Variants in ELP1 observed in about 807,000 individuals in gnomAD.
ELP1 encodes the protein elongator complex protein 1.
A neutral mutation model predicts 183.2 loss-of-function variants in ELP1; 131 were observed. The observed-to-expected ratio is 0.72, with a 90% CI of 0.62 to 0.83. ELP1 has a LOEUF of 0.83. Among genes scored for constraint, ELP1 ranks in the 40% least tolerant of loss-of-function variants. The pLI is 0.00. For synonymous variants in ELP1, 555 were observed against 569.0 expected, an observed-to-expected ratio of 0.98 and a Z score of 0.35; for missense variants, 1,550 against 1,594.9, an observed-to-expected ratio of 0.97 and a Z score of 0.48.
chr9:108,924,801 C>T (rs368580724), intron 5 of ELP1, among the ~76,000 whole-genome samples: 2 of 152,292 alleles, frequency 1.3e-5, no homozygotes, highest in South Asian at 4.1e-4. Flanking sequence ...CCACCCCTTA[C>T]AGACCAGCAC....
At chr9:108,922,787 T>A (rs1829691308) in intron 6 of ELP1, 55 bp downstream of exon 6, 1 of 1,340,538 alleles carries the variant, frequency 7.5e-7, no homozygotes, top group Non-Finnish European at 1.1e-6. Flanking sequence ...TCCTGGTGGG[T>A]GGCAAACTTA....
At chr9:108,885,074 G>C (rs945332420) in intron 29 of ELP1, among the ~76,000 whole-genome samples, 2 of 150,490 alleles carry the variant, frequency 1.3e-5, no homozygotes, top group Non-Finnish European at 2.9e-5. Flanking sequence ...GTGGGACCCT[G>C]TTTCTTTAAA....
intron 31 of ELP1, among the ~76,000 whole-genome samples, chr9:108,880,648 TA>T (rs1827891274): frequency 6.6e-6 from 1 of 152,162 alleles, no homozygotes; most frequent in Non-Finnish European, 1.5e-5. Flanking sequence ...GAATACATTT[TA>T]AAAAAGCAAA....
Position 108,911,169 on chromosome 9 carries a change from C to T in ELP1, c.1201G>A (p.Val401Met). 1 of 1,614,102 alleles carries T rather than the reference C, an allele frequency of 6.2e-7. No homozygotes were observed. The highest frequency in any genetic ancestry group is 8.5e-7 in the Non-Finnish European group (1 of 1,179,992). ...VAVIDGNRVL[V>M]TVFRQTVVPP... ...ACCACAGTCTGCCGGAAGACTGTCA[C>T]CAACACCCTGTCTGCAGTGAAAAAG... Residue 401 changes from valine (V) to methionine (M), a missense_variant, in exon 12 of 37, where the codon GTG becomes ATG. Val to Met is a conservative substitution (Grantham distance 21). Coordinates refer to ENST00000374647, the MANE Select transcript of ELP1 (RefSeq NM_003640.5).
chr9:108,878,219 T>C (rs1827776377), intron 34 of ELP1, 70 bp from the exon 35 acceptor site: 2 of 1,431,566 alleles, frequency 1.4e-6, no homozygotes, highest in South Asian at 2.4e-5. Flanking sequence ...ATACATAGCT[T>C]CTATCCAAAG....
chr9:108,901,943 C>T (rs781298993), intron 16 of ELP1, among the ~76,000 whole-genome samples: 1 of 152,180 alleles, frequency 6.6e-6, no homozygotes, highest in Non-Finnish European at 1.5e-5. Flanking sequence ...TCCACTCAAC[C>T]GGTGTTGATC....
chr9:108,903,810 C>T, intron 14 of ELP1, 141 bp from the exon 15 acceptor site: 3 of 682,024 alleles, frequency 4.4e-6, no homozygotes, highest in Non-Finnish European at 7.9e-6. Flanking sequence ...TACATATATA[C>T]ACACCCAATA....
intron 22 of ELP1, among the ~76,000 whole-genome samples, chr9:108,897,542 T>C (rs1179844534): frequency 6.6e-6 from 1 of 152,180 alleles, no homozygotes; most frequent in African/African-American, 2.4e-5. Context: ...AAGCAAATAG[T>C]GGTGTATTTA....
chr9:108,887,530 C>T (rs1316120072), intron 29 of ELP1, among the ~76,000 whole-genome samples: 1 of 152,116 alleles, frequency 6.6e-6, no homozygotes, highest in Admixed American at 6.5e-5. Context: ...AGCCTCCCTG[C>T]AAAACACTTC....
intron 1 of ELP1, among the ~76,000 whole-genome samples, chr9:108,932,043 T>C (rs531434710): frequency 6.6e-6 from 1 of 152,194 alleles, no homozygotes; most frequent in Non-Finnish European, 1.5e-5. Flanking sequence ...CCCTAACTTA[T>C]GTTAGGGGTA....
chr9:108,881,968 T>C (rs1827946936), intron 30 of ELP1, among the ~76,000 whole-genome samples, 157 bp downstream of exon 30: 1 of 152,174 alleles, frequency 6.6e-6, no homozygotes, highest in Admixed American at 6.5e-5. Context: ...ATGATAAAAA[T>C]GATTTTAAAA....
chr9:108,917,446 A>G, intron 9 of ELP1, 101 bp downstream of exon 9: 1 of 1,246,308 alleles, frequency 8.0e-7, no homozygotes, highest in East Asian at 2.4e-5. Flanking sequence ...CAACCTGGGC[A>G]ACAAGAATGA....
rs568425709 is a variant in ELP1 at position 108,892,994 on chromosome 9, G to A, written c.2950C>T (p.Gln984Ter). The A allele has an allele frequency of 6.2e-7, 1 of 1,611,910 alleles. No individual in the cohort carries two copies. The highest frequency in any genetic ancestry group is 8.5e-7 in the Non-Finnish European group (1 of 1,177,954). The change falls in exon 27 of 37, where the codon CAG (glutamine) becomes TAG (stop). Residue 984 changes from glutamine to a stop codon, truncating the protein, a stop_gained. Transcript: ENST00000374647. LOFTEE classifies it high-confidence loss of function. ...ALKLYSPSSQQYQDISIAYGE... is the reference protein window; with the variant it reads ...ALKLYSPSSQ ...TTTCACATACCACATACCTGGTACT[G>A]TTGTGAGCTTGGTGAATATAACTTC...
chr9:108,890,072 A>G (rs1284825335), intron 28 of ELP1, among the ~76,000 whole-genome samples: 1 of 152,212 alleles, frequency 6.6e-6, no homozygotes, highest in Non-Finnish European at 1.5e-5. Context: ...ATACTCCCTC[A>G]TAAGACATGG....
At position 108,912,267 on chromosome 9, in the gene ELP1, C is replaced by T. The variant is rs1445991549; in HGVS notation, c.1186G>A (p.Gly396Arg). Reference sequence around the variant, plus strand: ...GACACACTTCCCAGGAGCTTACTTCCATCAATGACAGCCACATTGGACAAG... The same window carrying T: ...GACACACTTCCCAGGAGCTTACTTCTATCAATGACAGCCACATTGGACAAG... ...SDLSNVAVID[G>R]NRVLVTVFRQ... is the part of the protein sequence containing the mutation. Residue 396 changes from glycine to arginine, a missense_variant, in exon 11 of 37, where the codon GGA becomes AGA. By Grantham distance (125) the Gly-to-Arg change is moderately radical. Coordinates refer to ENST00000374647, the MANE Select transcript of ELP1 (RefSeq NM_003640.5). 1 of 1,613,344 alleles carries T rather than the reference C, an allele frequency of 6.2e-7. No individual in the cohort carries two copies. The highest frequency in any genetic ancestry group is 8.5e-7 in the Non-Finnish European group (1 of 1,179,370).
chr9:108,925,293 A>G (rs548858026), intron 5 of ELP1, among the ~76,000 whole-genome samples: 113 of 152,288 alleles, frequency 7.4e-4, no homozygotes, highest in African/African-American at 2.6e-3. Context: ...TACAAACTCA[A>G]TCAAATCTGT....
chr9:108,927,082 A>C (rs1829845361), intron 4 of ELP1, among the ~76,000 whole-genome samples: 1 of 152,190 alleles, frequency 6.6e-6, no homozygotes, highest in Non-Finnish European at 1.5e-5. Context: ...CAGCCTCCCC[A>C]AGTTTTATGA....
Position 108,926,608 on chromosome 9 carries a change from G to C in ELP1, c.386-5C>G, listed in dbSNP as rs1164048597. The C allele has an allele frequency of 6.2e-7, 1 of 1,609,566 alleles. No individual in the cohort carries two copies. The highest frequency in any genetic ancestry group is 8.5e-7 in the Non-Finnish European group (1 of 1,177,838). Reference sequence around the variant, plus strand: ...TCATAATCAGGGTCTGTTGACCTTAGAGAAACACAAACAAAAATGATTTTG... The same window carrying C: ...TCATAATCAGGGTCTGTTGACCTTACAGAAACACAAACAAAAATGATTTTG... On this transcript the variant is annotated splice_polypyrimidine_tract_variant and splice_region_variant and intron_variant, in intron 4 of 36. Transcript: ENST00000374647.
intron 35 of ELP1, among the ~76,000 whole-genome samples, chr9:108,876,207 G>A (rs557620098): frequency 6.6e-6 from 1 of 152,232 alleles, no homozygotes; most frequent in South Asian, 2.1e-4. Flanking sequence ...GCCCGGGGCG[G>A]TGGATGCTGC....
Sources: gnomAD v4.1 joint callset for allele counts (sites outside exome capture counted in the v4.1 genomes callset) on GRCh38, gnomAD v4.1.1 for gene constraint, MANE v1.5 for transcripts, NCBI Gene and HGNC (gene_info 2026-07-23, HGNC 2026-07-21) for gene names.